FBXL20: variants seen among roughly 807,000 people sequenced by gnomAD.
The protein encoded by FBXL20 is F-box and leucine rich repeat protein 20.
FBXL20 carries 11 observed loss-of-function variants against 64.0 expected under a neutral mutation model. The observed-to-expected ratio is 0.17, with a 90% CI of 0.11 to 0.28. FBXL20 has a LOEUF of 0.28. Among genes scored for constraint, FBXL20 ranks in the 10% least tolerant of loss-of-function variants. The probability of loss-of-function intolerance (pLI) is 1.00; values close to 1 mark genes in which losing one functional copy is unlikely to be tolerated. For missense variants in FBXL20, 303 were observed against 526.2 expected, an observed-to-expected ratio of 0.58 and a Z score of 4.15; for synonymous variants, 184 against 189.0, an observed-to-expected ratio of 0.97 and a Z score of 0.22.
chr17:39,303,307 CAA>C (rs1347239567), intron 3 of FBXL20, among the ~76,000 whole-genome samples: 3 of 151,420 alleles, frequency 2.0e-5, no homozygotes, highest in East Asian at 1.9e-4. Context: ...AATTTTGAGT[CAA>C]GTCTAAACTT....
intron 6 of FBXL20, among the ~76,000 whole-genome samples, chr17:39,289,365 T>C (rs989554517): frequency 2.0e-5 from 3 of 152,210 alleles, no homozygotes; most frequent in African/African-American, 7.2e-5. Context: ...CTTAACAATA[T>C]TGAGTTTTTA....
chr17:39,296,547 G>A (rs941680928), intron 6 of FBXL20, among the ~76,000 whole-genome samples: 17 of 130,612 alleles, frequency 1.3e-4, no homozygotes, highest in African/African-American at 3.0e-4. Context: ...GCAACAGAGC[G>A]AGACTCTGTC....
At chr17:39,306,761 T>C (rs2047187175) in intron 2 of FBXL20, among the ~76,000 whole-genome samples, 2 of 152,236 alleles carry the variant, frequency 1.3e-5, no homozygotes, top group South Asian at 4.1e-4. Context: ...TAGGTTTTCT[T>C]ACACATTTAC....
At chr17:39,317,689 GTTTT>G (rs756785816) in intron 2 of FBXL20, among the ~76,000 whole-genome samples, 2,050 of 47,138 alleles carry the variant, frequency 0.043, 94 homozygotes, top group African/African-American at 0.23. Flanking sequence ...TTTTTTTTTT[GTTTT>G]TTTTTTTGTT....
chr17:39,265,468 G>GT lies in FBXL20; in HGVS notation c.934-16dup, dbSNP rs1434751612. 6.3e-7 allele frequency: 1 copy of GT among 1,580,204 alleles called. No homozygotes were observed. The highest frequency in any genetic ancestry group is 8.7e-7 in the Non-Finnish European group (1 of 1,149,626). Reference sequence around the variant, plus strand: ...CTATCTGTTATCTGAAAGAAATAACGTATGTTGATTTTAGGTATAATCCAA... The same window carrying GT: ...CTATCTGTTATCTGAAAGAAATAACGTTATGTTGATTTTAGGTATAATCCAA... On this transcript the variant is annotated splice_polypyrimidine_tract_variant and intron_variant, in intron 12 of 14. Coordinates refer to ENST00000264658, the MANE Select transcript of FBXL20 (RefSeq NM_032875.3).
chr17:39,376,741 G>A (rs1373072984), intron 1 of FBXL20, among the ~76,000 whole-genome samples: 2 of 152,194 alleles, frequency 1.3e-5, no homozygotes, highest in Non-Finnish European at 2.9e-5. Context: ...TAACCCAGGT[G>A]CAGTGGCTCA....
chr17:39,295,848 T>C (rs1169334162), intron 6 of FBXL20, among the ~76,000 whole-genome samples: 1 of 150,752 alleles, frequency 6.6e-6, no homozygotes, highest in Admixed American at 6.6e-5. Flanking sequence ...TACAAACTCC[T>C]CCGCAGTTTG....
intron 1 of FBXL20, among the ~76,000 whole-genome samples, chr17:39,381,494 A>G (rs2048023007): frequency 6.6e-6 from 1 of 151,536 alleles, no homozygotes. Flanking sequence ...AAAAAAAAAA[A>G]AAAAAGGCTG....
chr17:39,309,051 T>G (rs921924777), intron 2 of FBXL20, among the ~76,000 whole-genome samples: 1 of 152,196 alleles, frequency 6.6e-6, no homozygotes, highest in Non-Finnish European at 1.5e-5. Context: ...GGATTCCTTA[T>G]TAAAAAGTTC....
At chr17:39,312,234 G>C (rs1466557476) in intron 2 of FBXL20, among the ~76,000 whole-genome samples, 1 of 151,880 alleles carries the variant, frequency 6.6e-6, no homozygotes, top group Non-Finnish European at 1.5e-5. Flanking sequence ...GGCCAACACA[G>C]TAAAACCCCA....
chr17:39,322,346 G>A (rs777058499), intron 2 of FBXL20, among the ~76,000 whole-genome samples: 8 of 151,760 alleles, frequency 5.3e-5, no homozygotes, highest in Non-Finnish European at 1.2e-4. Context: ...AATTCTTTAG[G>A]TAATGACATA....
At chr17:39,301,751 G>C (rs143779518) in intron 3 of FBXL20, among the ~76,000 whole-genome samples, 63 of 152,112 alleles carry the variant, frequency 4.1e-4, no homozygotes, top group African/African-American at 1.5e-3. Context: ...AAAAAAATTA[G>C]TCGGGCATGG....
intron 2 of FBXL20, among the ~76,000 whole-genome samples, chr17:39,311,512 A>G (rs532392883): frequency 8.1e-4 from 123 of 152,138 alleles, no homozygotes; most frequent in African/African-American, 2.8e-3. Context: ...TCTTCCCTTG[A>G]GACAAATTTG....
chr17:39,348,763 T>C (rs1437767534), intron 1 of FBXL20, among the ~76,000 whole-genome samples: 1 of 152,174 alleles, frequency 6.6e-6, no homozygotes, highest in East Asian at 1.9e-4. Context: ...ACAGTGGTCC[T>C]ATCATAGACC....
chr17:39,353,097 T>C (rs1452817998), intron 1 of FBXL20, among the ~76,000 whole-genome samples: 2 of 152,132 alleles, frequency 1.3e-5, no homozygotes, highest in East Asian at 3.8e-4. Flanking sequence ...AGCAGAAAAC[T>C]AGAAAAGGTC....
intron 2 of FBXL20, among the ~76,000 whole-genome samples, chr17:39,342,609 C>T (rs2047593519): frequency 6.6e-6 from 1 of 152,178 alleles, no homozygotes; most frequent in East Asian, 1.9e-4. Flanking sequence ...CCCAGCGACT[C>T]GGGAGGCTGA....
intron 1 of FBXL20, among the ~76,000 whole-genome samples, chr17:39,386,254 C>T (rs891405891): frequency 3.9e-5 from 6 of 152,052 alleles, no homozygotes; most frequent in African/African-American, 1.2e-4. Context: ...TTGCAGTGAG[C>T]GGAGATCGCG....
chr17:39,340,997 C>CT (rs11462275), intron 2 of FBXL20, among the ~76,000 whole-genome samples: 2,259 of 119,982 alleles, frequency 0.019, 58 homozygotes, highest in African/African-American at 0.059. Flanking sequence ...CAAAGTTTTG[C>CT]TTTTTTTTTT....
At chr17:39,329,781 T>C (rs2047443064) in intron 2 of FBXL20, among the ~76,000 whole-genome samples, 1 of 152,128 alleles carries the variant, frequency 6.6e-6, no homozygotes, top group African/African-American at 2.4e-5. Context: ...GAGGATCACT[T>C]GAGGCCAGGA....
Sources: allele counts gnomAD v4.1 joint callset (sites outside exome capture counted in the v4.1 genomes callset), GRCh38; gene constraint gnomAD v4.1.1; transcripts MANE v1.5; gene names NCBI Gene and HGNC (gene_info 2026-07-23, HGNC 2026-07-21).